Variants in CNTNAP2 observed in about 807,000 individuals in gnomAD.
CNTNAP2 encodes the protein contactin-associated protein-like 2.
Under a neutral mutation model 155.2 loss-of-function variants are expected in CNTNAP2, and 98 were observed. The observed-to-expected ratio is 0.63, with a 90% CI of 0.54 to 0.75. CNTNAP2 has a LOEUF of 0.75. Ranked by LOEUF, CNTNAP2 falls within the 30% of genes least tolerant of loss-of-function variation. CNTNAP2 has a pLI of 0.00. For synonymous variants in CNTNAP2, 651 were observed against 631.2 expected, an observed-to-expected ratio of 1.03 and a Z score of -0.47; for missense variants, 1,727 against 1,688.1, an observed-to-expected ratio of 1.02 and a Z score of -0.40.
chr7:146,744,923 T>G (rs1224931318), intron 1 of CNTNAP2, among the ~76,000 whole-genome samples: 1 of 152,184 alleles, frequency 6.6e-6, no homozygotes, highest in Non-Finnish European at 1.5e-5. Context: ...AAGTAGAATA[T>G]TTGCATTATG....
intron 9 of CNTNAP2, among the ~76,000 whole-genome samples, chr7:147,310,297 A>C (rs1326611058): frequency 1.3e-5 from 2 of 152,146 alleles, no homozygotes. Context: ...AATATCATAA[A>C]ATTTCAAAAA....
chr7:147,044,121 T>A, intron 4 of CNTNAP2, 67 bp downstream of exon 4: 1 of 1,566,394 alleles, frequency 6.4e-7, no homozygotes, highest in Non-Finnish European at 8.8e-7. Flanking sequence ...CTGTTTTATT[T>A]TAAATTATTT....
At chr7:146,134,604 A>G (rs1441769010) in intron 1 of CNTNAP2, among the ~76,000 whole-genome samples, 1 of 150,560 alleles carries the variant, frequency 6.6e-6, no homozygotes, top group Admixed American at 6.6e-5. Flanking sequence ...TAATTTATTG[A>G]GAGTTTTTAG....
At chr7:147,252,127 T>G (rs1804212859) in intron 8 of CNTNAP2, among the ~76,000 whole-genome samples, 1 of 152,192 alleles carries the variant, frequency 6.6e-6, no homozygotes, top group Admixed American at 6.5e-5. Flanking sequence ...AGTTGCTGAA[T>G]AAGCTGAATT....
chr7:147,531,397 T>C (rs1799428882), intron 11 of CNTNAP2, among the ~76,000 whole-genome samples: 1 of 152,214 alleles, frequency 6.6e-6, no homozygotes, highest in Admixed American at 6.5e-5. Context: ...TCTAGGCGCT[T>C]CCATACATCC....
chr7:146,915,480 G>T (rs1585155714), intron 3 of CNTNAP2, among the ~76,000 whole-genome samples: 1 of 152,170 alleles, frequency 6.6e-6, no homozygotes, highest in East Asian at 1.9e-4. Context: ...TGTCATCTAT[G>T]ATTTCTTTCA....
At chr7:147,389,477 A>G (rs1003225422) in intron 9 of CNTNAP2, among the ~76,000 whole-genome samples, 3 of 152,248 alleles carry the variant, frequency 2.0e-5, no homozygotes, top group African/African-American at 7.2e-5. Flanking sequence ...TTTAATGTCA[A>G]AACAAATATC....
intron 1 of CNTNAP2, among the ~76,000 whole-genome samples, chr7:146,264,598 C>T (rs1231301072): frequency 6.6e-6 from 1 of 152,050 alleles, no homozygotes; most frequent in Non-Finnish European, 1.5e-5. Flanking sequence ...CAAACGTTGA[C>T]AATGAAAACA....
At chr7:147,954,003 A>T (rs1800980034) in intron 14 of CNTNAP2, among the ~76,000 whole-genome samples, 1 of 152,166 alleles carries the variant, frequency 6.6e-6, no homozygotes, top group South Asian at 2.1e-4. Context: ...AGTTCTACCC[A>T]CCACAGAAGC....
chr7:147,015,967 C>T (rs1005760283), intron 3 of CNTNAP2, among the ~76,000 whole-genome samples: 4 of 152,050 alleles, frequency 2.6e-5, no homozygotes, highest in Non-Finnish European at 5.9e-5. Context: ...GCAATAGATA[C>T]TATTATGAAG....
At chr7:147,262,488 C>T (rs559589716) in intron 8 of CNTNAP2, among the ~76,000 whole-genome samples, 206 of 152,054 alleles carry the variant, frequency 1.4e-3, no homozygotes, top group African/African-American at 4.8e-3. Context: ...CAGACACACA[C>T]AGAGGGAGGG....
At chr7:147,519,814 A>G (rs1269894005) in intron 11 of CNTNAP2, among the ~76,000 whole-genome samples, 2 of 152,236 alleles carry the variant, frequency 1.3e-5, no homozygotes, top group Non-Finnish European at 2.9e-5. Flanking sequence ...GCAGTGAGCC[A>G]CAGTCGTACC....
At chr7:146,907,270 C>G (rs909610607) in intron 3 of CNTNAP2, among the ~76,000 whole-genome samples, 1 of 146,366 alleles carries the variant, frequency 6.8e-6, no homozygotes, top group South Asian at 2.2e-4. Flanking sequence ...GCAAGGCAGG[C>G]CAACGTTCAG....
chr7:147,764,291 A>G (rs749532909), intron 13 of CNTNAP2, among the ~76,000 whole-genome samples: 1 of 151,960 alleles, frequency 6.6e-6, no homozygotes, highest in African/African-American at 2.4e-5. Flanking sequence ...TTATTTGGCT[A>G]TTCTATTACT....
At chr7:146,474,732 G>A (rs981142010) in intron 1 of CNTNAP2, among the ~76,000 whole-genome samples, 3 of 152,086 alleles carry the variant, frequency 2.0e-5, no homozygotes, top group African/African-American at 7.2e-5. Flanking sequence ...AAGAATTATA[G>A]TGTATTATTA....
intron 19 of CNTNAP2, among the ~76,000 whole-genome samples, chr7:148,222,591 A>AAT (rs1795771390): frequency 1.8e-5 from 1 of 54,382 alleles, no homozygotes; most frequent in Non-Finnish European, 4.2e-5. Flanking sequence ...TCCATTCATG[A>AAT]GGACAGAGTC....
intron 15 of CNTNAP2, among the ~76,000 whole-genome samples, chr7:148,082,302 G>C (rs944591787): frequency 6.6e-6 from 1 of 152,200 alleles, no homozygotes; most frequent in Non-Finnish European, 1.5e-5. Context: ...CAGATGACAA[G>C]GGCTGAAGGG....
chr7:147,699,139 A>T (rs1313347774), intron 13 of CNTNAP2, among the ~76,000 whole-genome samples: 2 of 151,980 alleles, frequency 1.3e-5, no homozygotes, highest in Non-Finnish European at 1.5e-5. Context: ...ATAACGATTT[A>T]AAAAAAGAAT....
chr7:146,962,514 A>T (rs770281130), intron 3 of CNTNAP2, among the ~76,000 whole-genome samples: 63 of 152,292 alleles, frequency 4.1e-4, no homozygotes, highest in Admixed American at 2.4e-3. Flanking sequence ...GAGACAAAAA[A>T]CTACAATGAA....
Sources: gnomAD v4.1 joint callset for allele counts (sites outside exome capture counted in the v4.1 genomes callset) on GRCh38, gnomAD v4.1.1 for gene constraint, MANE v1.5 for transcripts, NCBI Gene and HGNC (gene_info 2026-07-23, HGNC 2026-07-21) for gene names.